ZNF469: variants seen among roughly 807,000 people sequenced by gnomAD.
ZNF469 encodes zinc finger protein 469.
In ZNF469, 1 loss-of-function variant was observed where a neutral mutation model predicts 1.0. That is an observed-to-expected ratio of 1.00 (90% CI 0.35 to 4.73). The LOEUF (loss-of-function observed/expected upper bound fraction) is 4.73. ZNF469 is among the 30% of genes most tolerant of loss of function. The pLI, the probability that ZNF469 is intolerant of heterozygous loss-of-function variation, is 0.16. For synonymous variants in ZNF469, 2,703 were observed against 2,363.4 expected (o/e 1.14, Z -4.17); for missense variants, 6,100 against 5,356.3 (o/e 1.14, Z -4.33).
At chr16:88,296,836 A>C in the ZNF469 span, among the ~76,000 whole-genome samples, 8 of 151,924 alleles carry the variant, frequency 5.3e-5, no homozygotes, top group African/African-American at 1.9e-4. Flanking sequence ...CCACGCACAC[A>C]CTCACGCACC....
chr16:88,331,659 T>C, the ZNF469 span, among the ~76,000 whole-genome samples: 1 of 151,054 alleles, frequency 6.6e-6, no homozygotes. Flanking sequence ...ACCACCATCA[T>C]CATCTTCATC....
In ZNF469 at chr16:88,437,038, T is replaced by A; in HGVS notation, c.9568T>A (p.Tyr3190Asn). The A allele has an allele frequency of 6.5e-7, 1 of 1,533,326 alleles. No homozygotes were observed. Among genetic ancestry groups the A allele is most frequent in the Non-Finnish European group, 8.8e-7 (1 of 1,141,898 alleles). 95.0% of individuals were successfully genotyped at this position (1,533,326 alleles called of 1,614,324 possible). The change falls in exon 3 of 3, where the codon TAC becomes AAC. Residue 3190 changes from tyrosine (Y) to asparagine (N), a missense_variant. By Grantham distance (143) the Tyr-to-Asn change is moderately radical. Transcript: ENST00000565624. ...GAAGGAGGTGGCCGACGTCTGGATGTACAACGAGCACCTGCGTGAGCACGC... is the reference window on the plus strand; with the variant it reads ...GAAGGAGGTGGCCGACGTCTGGATGAACAACGAGCACCTGCGTGAGCACGC... ...CLKEVADVWMYNEHLREHAVR... is the reference protein window; with the variant it reads ...CLKEVADVWMNNEHLREHAVR...
chr16:88,327,786 G>C, the ZNF469 span, among the ~76,000 whole-genome samples: 9 of 152,378 alleles, frequency 5.9e-5, no homozygotes, highest in Non-Finnish European at 5.9e-5. Context: ...AGGAGCTGGA[G>C]AGGCCGCAGT....
chr16:88,385,168 C>T (rs925036612), intron 1 of ZNF469, among the ~76,000 whole-genome samples: 1 of 152,094 alleles, frequency 6.6e-6, no homozygotes, highest in African/African-American at 2.4e-5. Flanking sequence ...GTTTGCTGAA[C>T]GGAAGTAAAC....
the ZNF469 span, among the ~76,000 whole-genome samples, chr16:88,222,087 G>A: frequency 1.3e-5 from 2 of 152,022 alleles, no homozygotes; most frequent in African/African-American, 4.8e-5. Context: ...TCCACAGTAA[G>A]GAATACACTG....
chr16:88,209,989 C>G, the ZNF469 span, among the ~76,000 whole-genome samples: 1 of 152,142 alleles, frequency 6.6e-6, no homozygotes, highest in South Asian at 2.1e-4. Context: ...ACGGTTTTAC[C>G]AATTTGTATT....
At chr16:88,346,000 G>A in the ZNF469 span, among the ~76,000 whole-genome samples, 19 of 152,330 alleles carry the variant, frequency 1.2e-4, no homozygotes, top group Non-Finnish European at 2.4e-4. Flanking sequence ...TATTCTTGGC[G>A]GGGGCAGGAG....
the ZNF469 span, among the ~76,000 whole-genome samples, chr16:88,259,412 C>T: frequency 1.3e-5 from 2 of 152,202 alleles, no homozygotes. This position sits in a 1 kb window ranked among gnomAD's most constrained non-coding sequence, Gnocchi z 4.1. Context: ...CCGGGCTGCT[C>T]AGGAAAAACA....
chr16:88,354,835 C>A, the ZNF469 span, among the ~76,000 whole-genome samples: 5 of 152,326 alleles, frequency 3.3e-5, no homozygotes, highest in South Asian at 1.0e-3. Context: ...AGGGGCCTCT[C>A]AGCCCTGAGG....
the ZNF469 span, among the ~76,000 whole-genome samples, chr16:88,134,420 C>T: frequency 6.6e-6 from 1 of 152,324 alleles, no homozygotes; most frequent in Non-Finnish European, 1.5e-5. Context: ...CGTGGTTGCA[C>T]CACCATCCAT....
In ZNF469 at chr16:88,437,800, G is replaced by C. The variant is rs569602115; in HGVS notation, c.10330G>C (p.Gly3444Arg). 378 of 1,545,660 alleles carry C rather than the reference G, an allele frequency of 2.4e-4. 2 individuals carry two copies. In the African/African-American group the frequency reaches 4.5e-3, roughly 18 times the overall value. ...DRHMNKHLRGGRQPFAFRGVR... is the reference protein window; with the variant it reads ...DRHMNKHLRGRRQPFAFRGVR... ...CCACATGAACAAGCACCTCAGGGGG[G>C]GGCGGCAGCCCTTCGCGTTCCGCGG... Residue 3444 changes from glycine to arginine, a missense_variant, in exon 3 of 3, where the codon GGG (glycine) becomes CGG (arginine). Transcript: ENST00000565624.
At position 88,435,882 on chromosome 16, in the gene ZNF469, G is replaced by A; in HGVS notation, c.8412G>A (p.Glu2804=). 1 of 1,550,190 alleles carries A rather than the reference G, an allele frequency of 6.5e-7. No individual in the cohort carries two copies. The highest frequency in any genetic ancestry group is 8.7e-7 in the Non-Finnish European group (1 of 1,146,964). The change falls in exon 3 of 3, where the codon GAG becomes GAA. Residue 2804 remains glutamate, a synonymous_variant. Transcript: ENST00000565624. ...CCTTGGGCCCCCTGGGTTTTCCCGA[G>A]ACTTCCAGCTCTCCGGCGGACAGCA... The part of the protein sequence containing the change: ...TPPLGPLGFP[E]TSSSPADSTT...
the ZNF469 span, among the ~76,000 whole-genome samples, chr16:88,180,691 T>G: frequency 2.0e-5 from 3 of 152,128 alleles, no homozygotes; most frequent in Non-Finnish European, 4.4e-5. Flanking sequence ...GGAGAATTGC[T>G]TGAACCCATG....
chr16:88,264,334 C>T, the ZNF469 span, among the ~76,000 whole-genome samples: 13 of 151,958 alleles, frequency 8.6e-5, no homozygotes, highest in Admixed American at 4.6e-4. Context: ...TTCCTGGGGC[C>T]GGGGCAGGCC....
At chr16:88,285,728 G>A in the ZNF469 span, among the ~76,000 whole-genome samples, 1 of 152,254 alleles carries the variant, frequency 6.6e-6, no homozygotes, top group Admixed American at 6.5e-5. Flanking sequence ...ATGTCCCTGG[G>A]CCCTCTCTGA....
the ZNF469 span, among the ~76,000 whole-genome samples, chr16:88,126,540 A>G: frequency 7.2e-6 from 1 of 138,866 alleles, no homozygotes; most frequent in Non-Finnish European, 1.6e-5. Flanking sequence ...CATCTTCCAC[A>G]ATGATCTTAT....
In ZNF469 at chr16:88,438,330, C is replaced by T. The variant is rs1230771468; in HGVS notation, c.10860C>T (p.Phe3620=). 2 of 1,550,110 alleles carry T rather than the reference C, an allele frequency of 1.3e-6. No individual in the cohort carries two copies. Among genetic ancestry groups the T allele is most frequent in the Non-Finnish European group, 1.7e-6 (2 of 1,146,948 alleles). ...AGGGAAAGAGGGCTCCTCTCGTGTTCTCAGGGAAACGCAGGGCCCCGGGTG... is the reference window on the plus strand; with the variant it reads ...AGGGAAAGAGGGCTCCTCTCGTGTTTTCAGGGAAACGCAGGGCCCCGGGTG... The part of the protein sequence containing the change: ...DAEGKRAPLV[F]SGKRRAPGAR... The change falls in exon 3 of 3, where the codon TTC becomes TTT. Residue 3620 remains phenylalanine, a synonymous_variant. Coordinates refer to ENST00000565624, the MANE Select transcript of ZNF469 (RefSeq NM_001367624.2).
the ZNF469 span, among the ~76,000 whole-genome samples, chr16:88,364,649 G>A: frequency 1.3e-5 from 2 of 152,126 alleles, no homozygotes; most frequent in Non-Finnish European, 2.9e-5. Context: ...ACTTAGTGAT[G>A]TCGTGCCATT....
At chr16:88,221,307 G>C in the ZNF469 span, among the ~76,000 whole-genome samples, 1 of 152,238 alleles carries the variant, frequency 6.6e-6, no homozygotes, top group Admixed American at 6.5e-5. Context: ...GGCCGTGAGG[G>C]CTCGAGCGAG....
Sources: allele counts gnomAD v4.1 joint callset (sites outside exome capture counted in the v4.1 genomes callset), GRCh38; gene constraint gnomAD v4.1.1; non-coding constraint Gnocchi (gnomAD v3.1); transcripts MANE v1.5; gene names NCBI Gene and HGNC (gene_info 2026-07-23, HGNC 2026-07-21).